LRRC4C: variants seen among roughly 807,000 people sequenced by gnomAD.
LRRC4C encodes the protein leucine-rich repeat-containing protein 4C.
A neutral mutation model predicts 33.6 loss-of-function variants in LRRC4C; 5 were observed. That is an observed-to-expected ratio of 0.15 (90% CI 0.08 to 0.31). LRRC4C has a LOEUF of 0.31. LRRC4C is among the 10% of genes least tolerant of loss of function. The pLI, the probability that LRRC4C is intolerant of heterozygous loss-of-function variation, is 1.00. For missense variants in LRRC4C, 560 were observed against 796.7 expected, an observed-to-expected ratio of 0.70 and a Z score of 3.58; for synonymous variants, 329 against 302.0, an observed-to-expected ratio of 1.09 and a Z score of -0.93.
intron 1 of LRRC4C, among the ~76,000 whole-genome samples, chr11:41,099,073 T>G (rs1328303211): frequency 6.6e-6 from 1 of 151,972 alleles, no homozygotes; most frequent in Non-Finnish European, 1.5e-5. Context: ...GTACACAAAC[T>G]AGAAAACCTA....
At chr11:41,368,343 C>G (rs1952620182) in intron 1 of LRRC4C, among the ~76,000 whole-genome samples, 1 of 152,210 alleles carries the variant, frequency 6.6e-6, no homozygotes, top group Non-Finnish European at 1.5e-5. Flanking sequence ...CTCAGCTCTT[C>G]TTTGTGCCAT....
At chr11:40,569,348 A>G (rs980454013) in intron 3 of LRRC4C, among the ~76,000 whole-genome samples, 3 of 152,166 alleles carry the variant, frequency 2.0e-5, no homozygotes, top group Admixed American at 6.6e-5. Flanking sequence ...AAGCCAGAAG[A>G]AATTTAGTAT....
At chr11:40,196,494 G>A (rs990826977) in intron 5 of LRRC4C, among the ~76,000 whole-genome samples, 10 of 152,280 alleles carry the variant, frequency 6.6e-5, no homozygotes, top group African/African-American at 2.2e-4. Context: ...ACCGTAACCT[G>A]TAACTTACCT....
At chr11:40,467,862 A>T (rs1952728596) in intron 3 of LRRC4C, among the ~76,000 whole-genome samples, 1 of 152,174 alleles carries the variant, frequency 6.6e-6, no homozygotes. Flanking sequence ...AGTATATCAC[A>T]CTTGAAATCA....
rs139838707 is a variant in LRRC4C at position 41,390,137 on chromosome 11, G to A, written c.-496+69294C>T. On this transcript the variant is annotated intron_variant, in intron 1 of 6. Transcript: ENST00000528697. ...GAAGTTAATTATTTTGTTTGCCGAG[G>A]ATTTGAGGGATATAGAATAAATGTT... Among the ~76,000 whole-genome samples, 612 of 151,970 alleles carry A rather than the reference G, an allele frequency of 4.0e-3. 1 individual carries two copies. Among genetic ancestry groups the A allele is most frequent in the African/African-American group, 0.013 (534 of 41,482 alleles).
chr11:41,017,854 C>T (rs976449329), intron 1 of LRRC4C, among the ~76,000 whole-genome samples: 6 of 151,110 alleles, frequency 4.0e-5, no homozygotes, highest in African/African-American at 1.2e-4. Flanking sequence ...TCTAAGAGAG[C>T]TATATTAACT....
chr11:40,821,394 A>G (rs1257194756), intron 2 of LRRC4C, among the ~76,000 whole-genome samples: 1 of 151,706 alleles, frequency 6.6e-6, no homozygotes, highest in Non-Finnish European at 1.5e-5. Flanking sequence ...TTCGGAATTT[A>G]ATATAAAGCC....
chr11:41,296,332 T>C (rs926004855), intron 1 of LRRC4C, among the ~76,000 whole-genome samples: 3 of 151,868 alleles, frequency 2.0e-5, no homozygotes, highest in Non-Finnish European at 2.9e-5. Flanking sequence ...TTTTTTCTTT[T>C]GAGACCAAGT....
intron 1 of LRRC4C, among the ~76,000 whole-genome samples, chr11:41,073,778 A>G (rs1644656485): frequency 6.6e-6 from 1 of 152,156 alleles, no homozygotes; most frequent in African/African-American, 2.4e-5. Flanking sequence ...AACAAATTAC[A>G]TCAATTTTTT....
chr11:40,362,304 C>T lies in LRRC4C; in HGVS notation c.-269-42583G>A, dbSNP rs188166050. Among the ~76,000 whole-genome samples the T allele has an allele frequency of 2.0e-4, 30 of 151,520 alleles. 1 individual carries two copies. The highest frequency in any genetic ancestry group is 9.2e-4 in the Admixed American group (14 of 15,210). Reference sequence around the variant, plus strand: ...AAGAGCTCCTGCATAGCAAAAGAAACGATGAATGGAGTAAACAGACAACCT... The same window carrying T: ...AAGAGCTCCTGCATAGCAAAAGAAATGATGAATGGAGTAAACAGACAACCT... On this transcript the variant is annotated intron_variant, in intron 3 of 6. Coordinates refer to ENST00000528697, the MANE Select transcript of LRRC4C (RefSeq NM_001258419.2).
At chr11:40,272,523 G>A (rs370275836) in intron 4 of LRRC4C, among the ~76,000 whole-genome samples, 2 of 152,126 alleles carry the variant, frequency 1.3e-5, no homozygotes, top group South Asian at 4.1e-4. Context: ...AAAATTACAT[G>A]CATGAAGGAG....
intron 1 of LRRC4C, among the ~76,000 whole-genome samples, chr11:41,114,816 G>A (rs1310230797): frequency 1.3e-5 from 2 of 151,960 alleles, no homozygotes; most frequent in Non-Finnish European, 2.9e-5. Flanking sequence ...AATGATTCAA[G>A]GTAATCTATA....
At chr11:40,520,978 AAACAAAAG>A (rs1955785911) in intron 3 of LRRC4C, among the ~76,000 whole-genome samples, 1 of 152,162 alleles carries the variant, frequency 6.6e-6, no homozygotes, top group African/African-American at 2.4e-5. Context: ...TCCTTTTTAA[AAACAAAAG>A]AACTCAAGCC....
intron 3 of LRRC4C, among the ~76,000 whole-genome samples, chr11:40,625,491 G>T (rs373243665): frequency 6.6e-6 from 1 of 152,062 alleles, no homozygotes. Context: ...TCACTATCAC[G>T]AGAACAGCAT....
At chr11:40,338,860 G>C (rs1946745459) in intron 3 of LRRC4C, among the ~76,000 whole-genome samples, 1 of 152,144 alleles carries the variant, frequency 6.6e-6, no homozygotes, top group African/African-American at 2.4e-5. Flanking sequence ...ACTATAAAAA[G>C]AGAAAGAGAC....
chr11:41,451,022 T>C (rs1274379624), intron 1 of LRRC4C, among the ~76,000 whole-genome samples: 5 of 152,136 alleles, frequency 3.3e-5, no homozygotes, highest in African/African-American at 4.8e-5. Context: ...AGCAAGTTAA[T>C]TGCTCCTCTG....
intron 3 of LRRC4C, among the ~76,000 whole-genome samples, chr11:40,330,577 T>C (rs1222736994): frequency 6.6e-6 from 1 of 152,146 alleles, no homozygotes; most frequent in Non-Finnish European, 1.5e-5. Context: ...CTGTTCTGCA[T>C]GGCTGGGGAG....
At chr11:40,526,374 A>G (rs1001672847) in intron 3 of LRRC4C, among the ~76,000 whole-genome samples, 2 of 152,154 alleles carry the variant, frequency 1.3e-5, no homozygotes, top group Non-Finnish European at 1.5e-5. Context: ...AAACCCTGAA[A>G]TTCATATGAA....
chr11:41,176,866 G>A (rs1945221927), intron 1 of LRRC4C, among the ~76,000 whole-genome samples: 1 of 152,130 alleles, frequency 6.6e-6, no homozygotes, highest in Non-Finnish European at 1.5e-5. Flanking sequence ...TGGGGAGGCT[G>A]AGGCAGAAGA....
Sources: allele counts gnomAD v4.1 joint callset (sites outside exome capture counted in the v4.1 genomes callset), GRCh38; gene constraint gnomAD v4.1.1; transcripts MANE v1.5; gene names NCBI Gene and HGNC (gene_info 2026-07-23, HGNC 2026-07-21).